ROCK2: variants seen among roughly 807,000 people sequenced by gnomAD.
ROCK2 encodes the protein Rho associated coiled-coil containing protein kinase 2.
Under a neutral mutation model 195.1 loss-of-function variants are expected in ROCK2, and 61 were observed. That is an observed-to-expected ratio of 0.31 (90% confidence interval 0.25 to 0.39). The LOEUF is 0.39. Among genes scored for constraint, ROCK2 ranks in the 10% least tolerant of loss-of-function variants. The pLI is 1.00. For synonymous variants in ROCK2, 504 were observed against 545.5 expected (o/e 0.92, Z 1.06); for missense variants, 1,109 against 1,637.4 (o/e 0.68, Z 5.57).
chr2:11,338,739 A>G lies in ROCK2; in HGVS notation c.141+5257T>C, dbSNP rs192525713. 2.2e-3 allele frequency among the ~76,000 whole-genome samples: 341 copies of G among 152,332 alleles called. 3 individuals carry two copies. The highest frequency in any genetic ancestry group is 8.0e-3 in the African/African-American group (332 of 41,564). ...TATCCAAGCAAACTGCAGTTTATAC[A>G]TATAACAGAAGACAATTCAACAATG... On this transcript the variant is annotated intron_variant, in intron 1 of 32. Transcript: ENST00000315872.
At chr2:11,233,190 G>A (rs1282780669) in intron 5 of ROCK2, among the ~76,000 whole-genome samples, 1 of 152,018 alleles carries the variant, frequency 6.6e-6, no homozygotes, top group Non-Finnish European at 1.5e-5. Flanking sequence ...CTCCAGCCTG[G>A]GCAATAGAGG....
chr2:11,310,876 T>C (rs532839225), intron 1 of ROCK2, among the ~76,000 whole-genome samples: 4 of 152,092 alleles, frequency 2.6e-5, no homozygotes, highest in African/African-American at 9.6e-5. Context: ...TCTCATCTAC[T>C]CTTATTCTTG....
At chr2:11,281,506 CAAGTTGCAAGACAG>C (rs1457504336) in intron 3 of ROCK2, among the ~76,000 whole-genome samples, 2 of 152,236 alleles carry the variant, frequency 1.3e-5, no homozygotes, top group South Asian at 4.1e-4. Flanking sequence ...GTCATTATAC[CAAGTTGCAAGACAG>C]AAGGTTAATA....
intron 1 of ROCK2, among the ~76,000 whole-genome samples, chr2:11,299,021 C>T (rs996656282): frequency 6.6e-6 from 1 of 151,986 alleles, no homozygotes; most frequent in African/African-American, 2.4e-5. Context: ...GTAATCACAG[C>T]ACTTTGGGAG....
chr2:11,242,760 T>C (rs1390230793), intron 4 of ROCK2, among the ~76,000 whole-genome samples: 1 of 152,208 alleles, frequency 6.6e-6, no homozygotes, highest in Non-Finnish European at 1.5e-5. Context: ...CACCATTTTG[T>C]TATCATGCCA....
At chr2:11,221,813 A>C (rs1479102472) in intron 8 of ROCK2, among the ~76,000 whole-genome samples, 3 of 151,900 alleles carry the variant, frequency 2.0e-5, no homozygotes, top group African/African-American at 7.3e-5. Context: ...TGATTCTGAA[A>C]ATTATTGAGA....
chr2:11,194,884 T>C, intron 28 of ROCK2, 71 bp downstream of exon 28: 3 of 816,988 alleles, frequency 3.7e-6, no homozygotes, highest in Non-Finnish European at 5.8e-6. Flanking sequence ...ATCCTACAAC[T>C]ACAAAAGCCA....
At chr2:11,260,723 AAC>A (rs1470462929) in intron 3 of ROCK2, among the ~76,000 whole-genome samples, 1 of 152,224 alleles carries the variant, frequency 6.6e-6, no homozygotes, top group Non-Finnish European at 1.5e-5. Flanking sequence ...GCTGGTAGAA[AAC>A]AGTTAAATAT....
At chr2:11,210,707 T>C (rs1318407703) in intron 18 of ROCK2, among the ~76,000 whole-genome samples, 6 of 152,216 alleles carry the variant, frequency 3.9e-5, no homozygotes, top group Non-Finnish European at 7.3e-5. Flanking sequence ...CAAAAATGTT[T>C]ACATTTTATT....
At chr2:11,316,830 T>C (rs1017116965) in intron 1 of ROCK2, among the ~76,000 whole-genome samples, 1 of 152,122 alleles carries the variant, frequency 6.6e-6, no homozygotes, top group Non-Finnish European at 1.5e-5. Flanking sequence ...TAAAACAAAA[T>C]AGTAAGTGAA....
intron 3 of ROCK2, among the ~76,000 whole-genome samples, chr2:11,255,024 TG>T (rs1665973916): frequency 6.6e-6 from 1 of 151,924 alleles, no homozygotes; most frequent in South Asian, 2.1e-4. Flanking sequence ...GAGACCATCC[TG>T]GCTAACACGG....
chr2:11,292,001 GTTAATCT>G (rs1667377705), intron 1 of ROCK2, among the ~76,000 whole-genome samples: 1 of 151,982 alleles, frequency 6.6e-6, no homozygotes, highest in Non-Finnish European at 1.5e-5. Flanking sequence ...GACTATGATA[GTTAATCT>G]GACTGGTAAA....
At chr2:11,284,909 T>C (rs922564065) in intron 3 of ROCK2, among the ~76,000 whole-genome samples, 25 of 152,156 alleles carry the variant, frequency 1.6e-4, no homozygotes, top group Admixed American at 9.8e-4. Context: ...ATACTTCAGG[T>C]TTAACTCATT....
chr2:11,183,739 CTT>C (rs1663090704), intron 32 of ROCK2, among the ~76,000 whole-genome samples: 1 of 61,424 alleles, frequency 1.6e-5, no homozygotes, highest in African/African-American at 5.7e-5. Context: ...CACAGAATAA[CTT>C]AGAAGATAAA....
intron 3 of ROCK2, among the ~76,000 whole-genome samples, chr2:11,259,908 T>C (rs962687347): frequency 2.0e-5 from 3 of 151,418 alleles, no homozygotes; most frequent in Non-Finnish European, 4.4e-5. Context: ...TAACAATTCC[T>C]TTGATTTGTA....
chr2:11,340,567 AT>A (rs1202832499), intron 1 of ROCK2, among the ~76,000 whole-genome samples: 2 of 152,172 alleles, frequency 1.3e-5, no homozygotes, highest in African/African-American at 2.4e-5. Flanking sequence ...AAAGAAAAAA[AT>A]GTATAAAATG....
At chr2:11,184,182 A>G (rs1406016475) in intron 32 of ROCK2, among the ~76,000 whole-genome samples, 1 of 152,186 alleles carries the variant, frequency 6.6e-6, no homozygotes, top group Non-Finnish European at 1.5e-5. Context: ...CACCACACAC[A>G]AAAATGCCAA....
intron 3 of ROCK2, among the ~76,000 whole-genome samples, chr2:11,266,251 G>A (rs1189337762): frequency 6.6e-6 from 1 of 152,170 alleles, no homozygotes; most frequent in African/African-American, 2.4e-5. Context: ...ATATGTTCAT[G>A]GTGGTTTGTT....
chr2:11,268,831 C>T (rs1666519937), intron 3 of ROCK2, among the ~76,000 whole-genome samples: 1 of 152,066 alleles, frequency 6.6e-6, no homozygotes, highest in Non-Finnish European at 1.5e-5. Context: ...CATCAAAATT[C>T]GGGAGTTTAC....
Sources: gnomAD v4.1 joint callset for allele counts (sites outside exome capture counted in the v4.1 genomes callset) on GRCh38, gnomAD v4.1.1 for gene constraint, MANE v1.5 for transcripts, NCBI Gene and HGNC (gene_info 2026-07-23, HGNC 2026-07-21) for gene names.